Variants in CCDC178 observed in about 807,000 individuals in gnomAD.
The protein encoded by CCDC178 is coiled-coil domain-containing protein 178.
Under a neutral mutation model 117.4 loss-of-function variants are expected in CCDC178, and 126 were observed. That is an observed-to-expected ratio of 1.07 (90% CI 0.93 to 1.24). CCDC178 has a LOEUF of 1.24. Ranked by LOEUF, CCDC178 falls within the 50% of genes most tolerant of loss-of-function variation. The probability of loss-of-function intolerance (pLI) is 0.00; values close to 1 mark genes in which losing one functional copy is unlikely to be tolerated. For synonymous variants in CCDC178, 283 were observed against 313.4 expected (o/e 0.90, Z 1.02); for missense variants, 1,030 against 986.9 (o/e 1.04, Z -0.59).
At position 32,937,688 on chromosome 18, in the gene CCDC178, G is replaced by A. The variant is rs1371116220; in HGVS notation, c.*323C>T. 1 of 282,736 alleles carries A rather than the reference G, an allele frequency of 3.5e-6. No homozygotes were observed. The highest frequency in any genetic ancestry group is 2.2e-5 in the African/African-American group (1 of 45,616). 17.5% of individuals were successfully genotyped at this position (282,736 alleles called of 1,614,324 possible). On this transcript the variant is annotated 3_prime_UTR_variant, in exon 23 of 23. Coordinates refer to ENST00000383096, the MANE Select transcript of CCDC178 (RefSeq NM_001105528.4). ...ATAGGGAAATCTGGGGAAGCGAACAGTCACTGTCAACACCGCCAGTAATTA... is the reference window on the plus strand; with the variant it reads ...ATAGGGAAATCTGGGGAAGCGAACAATCACTGTCAACACCGCCAGTAATTA...
chr18:33,035,273 A>G (rs1464302862), intron 21 of CCDC178, among the ~76,000 whole-genome samples: 1 of 151,982 alleles, frequency 6.6e-6, no homozygotes, highest in African/African-American at 2.4e-5. Flanking sequence ...TAAGCTGAGC[A>G]TAGAAAAACA....
intron 9 of CCDC178, among the ~76,000 whole-genome samples, chr18:33,336,761 T>G (rs2062745343): frequency 6.6e-6 from 1 of 152,046 alleles, no homozygotes; most frequent in Admixed American, 6.6e-5. Context: ...GATAAAATTT[T>G]AAATACAAAT....
intron 20 of CCDC178, among the ~76,000 whole-genome samples, chr18:33,108,901 A>T (rs1039789610): frequency 3.3e-5 from 5 of 151,652 alleles, no homozygotes; most frequent in African/African-American, 7.3e-5. Context: ...GGGAAATTAT[A>T]AAAAAATTCA....
intron 12 of CCDC178, among the ~76,000 whole-genome samples, chr18:33,279,022 GC>G (rs1399384001): frequency 3.9e-5 from 6 of 152,056 alleles, no homozygotes; most frequent in African/African-American, 1.2e-4. Flanking sequence ...AAAACTGGAA[GC>G]ATTCCCTTTG....
chr18:33,377,565 T>C (rs1158552522), intron 5 of CCDC178, among the ~76,000 whole-genome samples: 1 of 152,190 alleles, frequency 6.6e-6, no homozygotes, highest in Admixed American at 6.6e-5. Context: ...TTTAGGATTC[T>C]TATCATTTGT....
At chr18:33,068,191 A>G (rs2144987039) in intron 21 of CCDC178, among the ~76,000 whole-genome samples, 1 of 152,292 alleles carries the variant, frequency 6.6e-6, no homozygotes, top group East Asian at 1.9e-4. Context: ...CTTTCAACAA[A>G]GAAAAGCCCA....
intron 3 of CCDC178, among the ~76,000 whole-genome samples, chr18:33,404,359 A>T (rs1743048161): frequency 6.6e-6 from 1 of 152,010 alleles, no homozygotes; most frequent in South Asian, 2.1e-4. Context: ...AAAATACTCT[A>T]AAGACAGTCT....
chr18:33,022,783 C>A (rs533840102), intron 21 of CCDC178, among the ~76,000 whole-genome samples: 1 of 151,928 alleles, frequency 6.6e-6, no homozygotes, highest in African/African-American at 2.4e-5. Flanking sequence ...TCAATTAGAA[C>A]GCAGACATTA....
chr18:33,239,291 C>T (rs1432405271), intron 15 of CCDC178, among the ~76,000 whole-genome samples: 1 of 151,768 alleles, frequency 6.6e-6, no homozygotes, highest in African/African-American at 2.4e-5. Context: ...AAGTAAGAAA[C>T]ATAGGACATA....
rs143459142 is a variant in CCDC178, at chr18:33,267,205, A to G, written c.1269T>C (p.Ala423=). Residue 423 remains alanine (A), a synonymous_variant, in exon 13 of 23, where the codon GCT becomes GCC. Transcript: ENST00000383096. ...QYLEAVNDFY[A]AKKTWDIELS... ...AAGTAGGAAAAAATCAACTTACTGC[A>G]GCATAAAAATCATTAACTGCTTCCA... 1.0e-3 allele frequency: 1,603 copies of G among 1,593,506 alleles called. 4 individuals carry two copies. The highest frequency in any genetic ancestry group is 1.3e-3 in the Non-Finnish European group (1,477 of 1,173,670).
intron 20 of CCDC178, among the ~76,000 whole-genome samples, chr18:33,103,755 T>C (rs1365787678): frequency 6.6e-6 from 1 of 151,686 alleles, no homozygotes; most frequent in Non-Finnish European, 1.5e-5. Context: ...TATAAGTAGA[T>C]AGAGAGGTCT....
At chr18:33,355,438 C>G (rs762300809) in intron 7 of CCDC178, among the ~76,000 whole-genome samples, 20 of 152,182 alleles carry the variant, frequency 1.3e-4, no homozygotes, top group Non-Finnish European at 2.9e-5. Context: ...CAGATTTGGT[C>G]TGTGTTAGGG....
chr18:33,440,452 C>A (rs2064367913), intron 1 of CCDC178: 1 of 152,104 alleles, frequency 6.6e-6, no homozygotes, highest in Non-Finnish European at 1.5e-5. Context: ...TTTTCAAACG[C>A]GCGGGGCAAG....
intron 11 of CCDC178, among the ~76,000 whole-genome samples, chr18:33,306,549 TTATATATATATGGTTA>T (rs1382126446): frequency 6.2e-4 from 83 of 133,540 alleles, no homozygotes; most frequent in Non-Finnish European, 2.1e-4. Context: ...TAATATATGG[TTATATATATATGGTTA>T]TATATAATAT....
chr18:32,965,659 T>G (rs2054795413), intron 22 of CCDC178, among the ~76,000 whole-genome samples: 1 of 151,752 alleles, frequency 6.6e-6, no homozygotes, highest in African/African-American at 2.4e-5. Flanking sequence ...AAATATGACA[T>G]TGTTCTATTA....
intron 21 of CCDC178, among the ~76,000 whole-genome samples, chr18:33,014,949 A>G (rs1208319345): frequency 2.0e-5 from 3 of 152,188 alleles, no homozygotes; most frequent in Non-Finnish European, 4.4e-5. Flanking sequence ...AAAAAAGTAT[A>G]AAACATGGAA....
intron 2 of CCDC178, among the ~76,000 whole-genome samples, chr18:33,427,110 G>A (rs9652984): frequency 0.17 from 25,549 of 151,894 alleles, 2,281 homozygotes; most frequent in African/African-American, 0.23. Flanking sequence ...TCAAGATGCA[G>A]TCACTATGAT....
At chr18:33,339,496 C>T (rs1168751927) in intron 9 of CCDC178, among the ~76,000 whole-genome samples, 1 of 150,750 alleles carries the variant, frequency 6.6e-6, no homozygotes, top group African/African-American at 2.4e-5. Flanking sequence ...ATAAAATGGA[C>T]AAATTCTTCA....
chr18:33,050,828 A>T, intron 21 of CCDC178, among the ~76,000 whole-genome samples: 1 of 152,240 alleles, frequency 6.6e-6, no homozygotes, highest in East Asian at 1.9e-4. Context: ...AGGCTCACCC[A>T]TAAGAAATGA....
Sources: allele counts gnomAD v4.1 joint callset (sites outside exome capture counted in the v4.1 genomes callset), GRCh38; gene constraint gnomAD v4.1.1; transcripts MANE v1.5; gene names NCBI Gene and HGNC (gene_info 2026-07-23, HGNC 2026-07-21).